The following GSKIP variants were observed in gnomAD, a reference collection of about 807,000 sequenced individuals.
GSKIP encodes the protein GSK3B interacting protein, also known as GSK3B-interacting protein.
Under a neutral mutation model 11.9 loss-of-function variants are expected in GSKIP, and 5 were observed. The observed-to-expected ratio is 0.42, with a 90% confidence interval of 0.22 to 0.89. The LOEUF (loss-of-function observed/expected upper bound fraction) is 0.89, where lower values mean the gene tolerates loss of function less well. Ranked by LOEUF, GSKIP falls within the 40% of genes least tolerant of loss-of-function variation. The pLI is 0.29. For synonymous variants in GSKIP, 70 were observed against 62.9 expected (o/e 1.11, Z -0.54); for missense variants, 150 against 166.6 (o/e 0.90, Z 0.55).
Position 96,366,482 on chromosome 14 carries a change from C to G in GSKIP, c.-103+2914C>G, listed in dbSNP as rs182354984. On this transcript the variant is annotated intron_variant, in intron 1 of 3. Transcript: ENST00000555181. ...GGTTTAGGACCTGTCATTATGATATCTTTGGCTACAGTAGGGTACAAACTC... is the reference window on the plus strand; with the variant it reads ...GGTTTAGGACCTGTCATTATGATATGTTTGGCTACAGTAGGGTACAAACTC... 2.3e-3 allele frequency among the ~76,000 whole-genome samples: 357 copies of G among 152,318 alleles called. 2 individuals are homozygous for G. The Middle Eastern group carries it at 0.024, about 10-fold the overall frequency.
chr14:96,374,177 A>G (rs1163443290), intron 1 of GSKIP, among the ~76,000 whole-genome samples: 1 of 152,128 alleles, frequency 6.6e-6, no homozygotes, highest in Non-Finnish European at 1.5e-5. Flanking sequence ...AAAAGACACA[A>G]ATAGAATAGA....
intron 1 of GSKIP, among the ~76,000 whole-genome samples, chr14:96,365,736 A>C (rs1888862803): frequency 6.6e-6 from 1 of 151,958 alleles, no homozygotes; most frequent in South Asian, 2.1e-4. Context: ...TGGGAGGCTG[A>C]GGCAGGAGAA....
chr14:96,379,499 T>G (rs567879697), intron 1 of GSKIP, among the ~76,000 whole-genome samples, 189 bp from the exon 2 acceptor site: 1 of 152,282 alleles, frequency 6.6e-6, no homozygotes, highest in South Asian at 2.1e-4. Flanking sequence ...AAGAACCTGC[T>G]TCAACCAACA....
At chr14:96,375,725 C>A (rs1283473964) in intron 1 of GSKIP, among the ~76,000 whole-genome samples, 1 of 152,224 alleles carries the variant, frequency 6.6e-6, no homozygotes, top group East Asian at 1.9e-4. Flanking sequence ...AGCCACCACG[C>A]CCGGCTTGAA....
chr14:96,370,157 C>G (rs1889004324), intron 1 of GSKIP, among the ~76,000 whole-genome samples: 1 of 152,228 alleles, frequency 6.6e-6, no homozygotes. Context: ...CTTTGGAAAA[C>G]AGCATTTATC....
intron 2 of GSKIP, among the ~76,000 whole-genome samples, chr14:96,380,482 G>C (rs1889315722): frequency 6.6e-6 from 1 of 152,180 alleles, no homozygotes; most frequent in Non-Finnish European, 1.5e-5. Context: ...TCGTCTTCCA[G>C]AGATTTTGAT....
intron 1 of GSKIP, among the ~76,000 whole-genome samples, chr14:96,376,374 A>G (rs776991650): frequency 1.3e-5 from 2 of 152,176 alleles, no homozygotes; most frequent in Non-Finnish European, 2.9e-5. Context: ...CACAACTCTC[A>G]AGACCTTTTT....
At chr14:96,364,375 A>C (rs1888803922) in intron 1 of GSKIP, 1 of 152,150 alleles carries the variant, frequency 6.6e-6, no homozygotes, top group Admixed American at 6.5e-5. Flanking sequence ...TTAAAATCTT[A>C]TGTGCATGGA....
At chr14:96,377,988 T>C (rs1472536830) in intron 1 of GSKIP, among the ~76,000 whole-genome samples, 2 of 152,204 alleles carry the variant, frequency 1.3e-5, no homozygotes, top group Admixed American at 6.5e-5. Context: ...GCTTGGCAAG[T>C]ACTCTAGGCT....
At chr14:96,381,448 G>A (rs1280532764) in intron 2 of GSKIP, among the ~76,000 whole-genome samples, 1 of 152,102 alleles carries the variant, frequency 6.6e-6, no homozygotes, top group Non-Finnish European at 1.5e-5. Flanking sequence ...CAGATACAAC[G>A]AGAATTTAGG....
chr14:96,379,580 A>G (rs1889292342), intron 1 of GSKIP, 108 bp from the exon 2 acceptor site: 1 of 152,230 alleles, frequency 6.6e-6, no homozygotes, highest in East Asian at 1.9e-4. Flanking sequence ...CATTACTTTA[A>G]TTTATATGTA....
intron 3 of GSKIP, chr14:96,384,777 C>T (rs1889443819): frequency 6.6e-6 from 1 of 151,906 alleles, no homozygotes; most frequent in South Asian, 2.1e-4. Flanking sequence ...CACACATCGA[C>T]CTGGTATTGC....
At chr14:96,370,881 C>T (rs1271383759) in intron 1 of GSKIP, among the ~76,000 whole-genome samples, 1 of 152,156 alleles carries the variant, frequency 6.6e-6, no homozygotes, top group Non-Finnish European at 1.5e-5. Context: ...AAGCACAATT[C>T]TGTTGTCTAG....
In GSKIP at chr14:96,386,985, C is replaced by T. The variant is rs991622980; in HGVS notation, c.*1301C>T. 2.0e-5 allele frequency: 3 copies of T among 152,188 alleles called. No individual in the cohort carries two copies. Among genetic ancestry groups the T allele is most frequent in the African/African-American group, 7.2e-5 (3 of 41,450 alleles). The allele number at this position is 152,188 out of a possible 1,614,324, so 9.4% of individuals were successfully genotyped here. ...ATTAAAAAACAGGAACTTTTAGGCT[C>T]TGAAGATCATGTGGACCAGAGCAAA... is the stretch of plus-strand genomic sequence containing the variant. On this transcript the variant is annotated 3_prime_UTR_variant, in exon 4 of 4. Transcript: ENST00000555181.
chr14:96,369,311 A>C (rs1222717811), intron 1 of GSKIP, among the ~76,000 whole-genome samples: 1 of 152,224 alleles, frequency 6.6e-6, no homozygotes, highest in African/African-American at 2.4e-5. Context: ...CAGAGCATAA[A>C]AATATGGGAA....
rs1566745866 is a variant in GSKIP at position 96,382,519 on chromosome 14, C to G, written c.258+14C>G. 2.5e-6 allele frequency: 4 copies of G among 1,574,220 alleles called. No individual in the cohort carries two copies. Among genetic ancestry groups the G allele is most frequent in the Non-Finnish European group, 3.4e-6 (4 of 1,160,036 alleles). ...GCAGGGCTCAAGGTAACTCACTTTT[C>G]CTTTTAGAAAAAAAAATTATTTATG... On this transcript the variant is annotated intron_variant, in intron 3 of 3. Transcript: ENST00000555181.
At position 96,385,657 on chromosome 14, in the gene GSKIP, A is replaced by T; in HGVS notation, c.393A>T (p.Glu131Asp). Residue 131 changes from glutamate to aspartate, a missense_variant, in exon 4 of 4, where the codon GAA becomes GAT. Coordinates refer to ENST00000555181, the MANE Select transcript of GSKIP (RefSeq NM_016472.5). ...GAAACGCACTGCTTCAAAGACTGGA[A>T]GCTTTGAAAAGAGATGGACAGTCAT... is the stretch of plus-strand genomic sequence containing the variant. ...AFGNALLQRL[E>D]ALKRDGQS is the part of the protein sequence containing the mutation. 1 of 1,613,050 alleles carries T rather than the reference A, an allele frequency of 6.2e-7. No individual in the cohort carries two copies. The highest frequency in any genetic ancestry group is 2.2e-5 in the East Asian group (1 of 44,850).
rs1240441946 is a variant in GSKIP, at chr14:96,385,672, T to G, written c.408T>G (p.Asp136Glu). 1 of 1,611,992 alleles carries G rather than the reference T, an allele frequency of 6.2e-7. No homozygotes were observed. Among genetic ancestry groups the G allele is most frequent in the Non-Finnish European group, 8.5e-7 (1 of 1,179,294 alleles). Residue 136 changes from aspartate (D) to glutamate (E), a missense_variant, in exon 4 of 4, where the codon GAT becomes GAG. By Grantham distance (45) the Asp-to-Glu change is conservative. Coordinates refer to ENST00000555181, the MANE Select transcript of GSKIP (RefSeq NM_016472.5). The stretch of plus-strand genomic sequence containing the variant: ...AAAGACTGGAAGCTTTGAAAAGAGA[T>G]GGACAGTCATGACTACACTTTTTCC... Reference protein sequence around the residue: ...LLQRLEALKRDGQS With the variant: ...LLQRLEALKREGQS
chr14:96,364,409 T>G (rs1888805596), intron 1 of GSKIP: 1 of 152,196 alleles, frequency 6.6e-6, no homozygotes, highest in Non-Finnish European at 1.5e-5. Context: ...TTAAATGATA[T>G]GAGTAGGGCA....
Sources: allele counts gnomAD v4.1 joint callset (sites outside exome capture counted in the v4.1 genomes callset), GRCh38; gene constraint gnomAD v4.1.1; transcripts MANE v1.5; gene names NCBI Gene and HGNC (gene_info 2026-07-23, HGNC 2026-07-21).